PTPRZ1: variants seen among roughly 807,000 people sequenced by gnomAD.
PTPRZ1 encodes the protein receptor-type tyrosine-protein phosphatase zeta.
A neutral mutation model predicts 214.1 loss-of-function variants in PTPRZ1; 82 were observed. The observed-to-expected ratio is 0.38, with a 90% CI of 0.32 to 0.46. The LOEUF (loss-of-function observed/expected upper bound fraction) is 0.46. PTPRZ1 is among the 20% of genes least tolerant of loss of function. PTPRZ1 has a pLI of 1.00. For synonymous variants in PTPRZ1, 945 were observed against 987.9 expected (o/e 0.96, Z 0.81); for missense variants, 2,603 against 2,748.7 (o/e 0.95, Z 1.19).
chr7:121,902,827 A>G (rs1031566135), intron 1 of PTPRZ1, among the ~76,000 whole-genome samples: 4 of 152,150 alleles, frequency 2.6e-5, no homozygotes, highest in Admixed American at 2.6e-4. Context: ...TTATTGATCA[A>G]TGTTTATTGA....
At chr7:122,052,009 A>AGTCTTTGCTTCTG in intron 25 of PTPRZ1, 70 bp downstream of exon 25, 1 of 1,277,270 alleles carries the variant, frequency 7.8e-7, no homozygotes, top group Non-Finnish European at 1.1e-6. Context: ...ATGGGCTGCC[A>AGTCTTTGCTTCTG]GAAGCAAAGA....
chr7:121,933,307 G>T lies in PTPRZ1; in HGVS notation c.124+5086G>T, dbSNP rs146164168. 2.4e-3 allele frequency among the ~76,000 whole-genome samples: 361 copies of T among 152,110 alleles called. 3 individuals carry two copies. The highest frequency in any genetic ancestry group is 8.4e-3 in the African/African-American group (349 of 41,544). ...AAGCAATGATAAGATCATCAGAAAT[G>T]GGAGTACTTTAACTGCTTTATTCTT... On this transcript the variant is annotated intron_variant, in intron 2 of 29. Coordinates refer to ENST00000393386, the MANE Select transcript of PTPRZ1 (RefSeq NM_002851.3).
intron 12 of PTPRZ1, among the ~76,000 whole-genome samples, chr7:122,016,802 A>G (rs1331588955): frequency 6.6e-6 from 1 of 151,896 alleles, no homozygotes; most frequent in Non-Finnish European, 1.5e-5. Context: ...TGCTTTGAAA[A>G]TTTGTGGCTA....
chr7:121,890,509 C>T (rs1794558870), intron 1 of PTPRZ1, among the ~76,000 whole-genome samples: 2 of 152,170 alleles, frequency 1.3e-5, no homozygotes, highest in African/African-American at 2.4e-5. Flanking sequence ...CTTCACCATA[C>T]AAATCAGCCA....
chr7:121,903,683 C>T (rs1336239104), intron 1 of PTPRZ1, among the ~76,000 whole-genome samples: 1 of 152,058 alleles, frequency 6.6e-6, no homozygotes, highest in African/African-American at 2.4e-5. Flanking sequence ...TTTTAAAAGT[C>T]CATTTCTTTC....
At chr7:121,979,498 A>G (rs942413158) in intron 6 of PTPRZ1, among the ~76,000 whole-genome samples, 1 of 152,162 alleles carries the variant, frequency 6.6e-6, no homozygotes, top group African/African-American at 2.4e-5. Flanking sequence ...CCTCATAGGC[A>G]TTGGTGTGAC....
chr7:122,011,780 A>G lies in PTPRZ1; in HGVS notation c.2734A>G (p.Ser912Gly). 6.2e-7 allele frequency: 1 copy of G among 1,614,170 alleles called. No individual in the cohort carries two copies. The highest frequency in any genetic ancestry group is 1.1e-5 in the South Asian group (1 of 91,086). ...TLMFSQVEPP[S>G]SDAMMHARSS... ...TATGTTTTCTCAAGTTGAACCACCCAGCAGTGATGCCATGATGCATGCACG... is the reference window on the plus strand; with the variant it reads ...TATGTTTTCTCAAGTTGAACCACCCGGCAGTGATGCCATGATGCATGCACG... The change falls in exon 12 of 30, where the codon AGC becomes GGC. Residue 912 changes from serine (S) to glycine (G), a missense_variant. Ser to Gly is a moderately conservative substitution (Grantham distance 56, BLOSUM62 0). Coordinates refer to ENST00000393386, the MANE Select transcript of PTPRZ1 (RefSeq NM_002851.3).
rs1798742442 is a variant in PTPRZ1, at chr7:122,013,388, T to G, written c.4342T>G (p.Tyr1448Asp). ...TCATAAGTGTATGTCATGCTCATCC[T>G]ATAGAGAATCACAGGAAAAGGTAAT... The part of the protein sequence containing the change: ...SIHKCMSCSS[Y>D]RESQEKVMND... The change falls in exon 12 of 30, where the codon TAT becomes GAT. Residue 1448 changes from tyrosine (Y) to aspartate (D), a missense_variant. Tyr to Asp is a radical substitution (Grantham distance 160). Around this residue, in one of 6 missense-constraint regions of PTPRZ1, gnomAD observed 1,913 missense variants for 1,914.3 expected, o/e 1.00. Transcript: ENST00000393386. 1.9e-6 allele frequency: 3 copies of G among 1,614,062 alleles called. No homozygotes were observed. In the South Asian group the frequency reaches 3.3e-5, roughly 18 times the overall value.
intron 23 of PTPRZ1, among the ~76,000 whole-genome samples, chr7:122,048,499 T>C (rs1469005922): frequency 6.6e-6 from 1 of 152,150 alleles, no homozygotes; most frequent in African/African-American, 2.4e-5. Context: ...TATCATTGGA[T>C]TGTTTGTAAC....
intron 1 of PTPRZ1, among the ~76,000 whole-genome samples, chr7:121,901,186 A>G (rs1248593532): frequency 6.6e-6 from 1 of 152,180 alleles, no homozygotes; most frequent in Non-Finnish European, 1.5e-5. Flanking sequence ...GAGCAATGTT[A>G]TAAAAAGCCC....
chr7:121,992,268 G>T (rs1797990730), intron 8 of PTPRZ1, among the ~76,000 whole-genome samples: 1 of 152,200 alleles, frequency 6.6e-6, no homozygotes, highest in Admixed American at 6.5e-5. Context: ...GAGAGGAACA[G>T]AAGTGGAAAG....
intron 1 of PTPRZ1, among the ~76,000 whole-genome samples, chr7:121,882,977 G>C (rs1794288605): frequency 6.6e-6 from 1 of 152,106 alleles, no homozygotes; most frequent in African/African-American, 2.4e-5. Flanking sequence ...TGAAGATGTA[G>C]CATGGAACAC....
intron 11 of PTPRZ1, among the ~76,000 whole-genome samples, chr7:122,006,624 A>G (rs968728837): frequency 5.9e-5 from 9 of 152,106 alleles, no homozygotes; most frequent in African/African-American, 2.2e-4. Context: ...CCATGTACAT[A>G]TATGACAAAC....
chr7:122,052,000 T>G, intron 25 of PTPRZ1, 61 bp downstream of exon 25: 12 of 1,386,700 alleles, frequency 8.7e-6, no homozygotes, highest in Non-Finnish European at 1.1e-5. Flanking sequence ...AAAACCAGAA[T>G]GGGCTGCCAG....
intron 13 of PTPRZ1, among the ~76,000 whole-genome samples, chr7:122,027,818 A>G (rs192275362): frequency 1.2e-3 from 179 of 152,336 alleles, no homozygotes; most frequent in African/African-American, 4.0e-3. Flanking sequence ...CATAGTTGTC[A>G]CTGAATCTGA....
At chr7:121,951,745 GT>G (rs1398932772) in intron 2 of PTPRZ1, among the ~76,000 whole-genome samples, 3 of 152,144 alleles carry the variant, frequency 2.0e-5, no homozygotes, top group Non-Finnish European at 4.4e-5. Flanking sequence ...CTTCTCAGGG[GT>G]TTTCACTTCT....
intron 1 of PTPRZ1, among the ~76,000 whole-genome samples, chr7:121,906,867 A>G (rs1024651694): frequency 3.3e-5 from 5 of 152,204 alleles, no homozygotes; most frequent in African/African-American, 1.2e-4. Flanking sequence ...ATTTTGTGAA[A>G]TAAACTTGAG....
chr7:121,985,666 A>G (rs1797744853), intron 8 of PTPRZ1, among the ~76,000 whole-genome samples: 1 of 152,160 alleles, frequency 6.6e-6, no homozygotes, highest in Non-Finnish European at 1.5e-5. Context: ...CATTGCATCC[A>G]CTAGGAGGCC....
intron 1 of PTPRZ1, among the ~76,000 whole-genome samples, chr7:121,926,646 T>C (rs2116366294): frequency 6.6e-6 from 1 of 152,244 alleles, no homozygotes; most frequent in Middle Eastern, 3.4e-3. Context: ...GGCTGGGGGA[T>C]GGGCGTGGGT....
Sources: gnomAD v4.1 joint callset for allele counts (sites outside exome capture counted in the v4.1 genomes callset) on GRCh38, gnomAD v4.1.1 for gene constraint, gnomAD v4.1.1 regional missense constraint, MANE v1.5 for transcripts, NCBI Gene and HGNC (gene_info 2026-07-23, HGNC 2026-07-21) for gene names.